SYCP1: variants seen among roughly 807,000 people sequenced by gnomAD.
The protein encoded by SYCP1 is cancer/testis antigen 8.
A neutral mutation model predicts 153.1 loss-of-function variants in SYCP1; 64 were observed. That is an observed-to-expected ratio of 0.42 (90% CI 0.34 to 0.51). The LOEUF (loss-of-function observed/expected upper bound fraction) is 0.51. Among genes scored for constraint, SYCP1 ranks in the 20% least tolerant of loss-of-function variants. The pLI is 0.06. For missense variants in SYCP1, 997 were observed against 1,049.0 expected (o/e 0.95, Z 0.68); for synonymous variants, 384 against 341.8 (o/e 1.12, Z -1.36).
intron 28 of SYCP1, among the ~76,000 whole-genome samples, chr1:114,981,129 C>T (rs1673125940): frequency 6.6e-6 from 1 of 151,908 alleles, no homozygotes; most frequent in Admixed American, 6.6e-5. Flanking sequence ...CAGGCAGGGG[C>T]AGATAACATT....
In SYCP1 at chr1:114,981,464, C is replaced by G. The variant is rs780059716; in HGVS notation, c.2511C>G (p.Asp837Glu). 1.9e-6 allele frequency: 3 copies of G among 1,606,834 alleles called. No individual in the cohort carries two copies. The highest frequency in any genetic ancestry group is 2.5e-6 in the Non-Finnish European group (3 of 1,177,748). ...ATGGCATATCCAAAGATAAAAGAGA[C>G]TATCTGTGGACATCTGCCAAAAATA... ...VDHGISKDKR[D>E]YLWTSAKNTL... Residue 837 changes from aspartate (D) to glutamate (E), a missense_variant, in exon 29 of 32, where the codon GAC becomes GAG. Physicochemically the swap from Asp to Glu is conservative, Grantham distance 45. This residue lies in a region of SYCP1 where 712 missense variants were observed against 682.9 expected (regional missense o/e 1.04). Transcript: ENST00000369522.
chr1:114,854,769 C>T (rs1401524579), upstream of SYCP1: 2 of 152,274 alleles, frequency 1.3e-5, no homozygotes, highest in East Asian at 3.9e-4. Context: ...ACAATTGTTC[C>T]TAGCGATTAG....
intron 27 of SYCP1, among the ~76,000 whole-genome samples, chr1:114,969,850 A>G (rs1276903686): frequency 6.6e-6 from 1 of 152,138 alleles, no homozygotes; most frequent in African/African-American, 2.4e-5. Context: ...GCCAGGTAGC[A>G]CCATCCCTCA....
At chr1:114,912,918 C>T in intron 18 of SYCP1, 115 bp from the exon 19 acceptor site, 1 of 668,998 alleles carries the variant, frequency 1.5e-6, no homozygotes, top group Non-Finnish European at 2.5e-6. Context: ...AATTTTGTTT[C>T]ATGTTTTTCC....
At chr1:114,877,345 T>G (rs1665611248) in intron 11 of SYCP1, among the ~76,000 whole-genome samples, 1 of 152,138 alleles carries the variant, frequency 6.6e-6, no homozygotes, top group Non-Finnish European at 1.5e-5. Flanking sequence ...ATGTTTCAGA[T>G]TATTATTATG....
intron 16 of SYCP1, among the ~76,000 whole-genome samples, chr1:114,905,461 C>A (rs1189829411): frequency 6.6e-6 from 1 of 152,074 alleles, no homozygotes; most frequent in Non-Finnish European, 1.5e-5. Flanking sequence ...GAAATATGTC[C>A]TAAGGGCAGG....
intron 26 of SYCP1, 122 bp from the exon 27 acceptor site, chr1:114,947,124 A>G: frequency 1.3e-6 from 1 of 764,320 alleles, no homozygotes; most frequent in East Asian, 2.8e-5. Flanking sequence ...AAAAGTATCT[A>G]CATTTTATGA....
At chr1:114,970,156 C>T (rs1672388381) in intron 27 of SYCP1, among the ~76,000 whole-genome samples, 1 of 152,154 alleles carries the variant, frequency 6.6e-6, no homozygotes, top group African/African-American at 2.4e-5. Context: ...ATTTGAAAGC[C>T]TTGTCTTTGA....
intron 23 of SYCP1, among the ~76,000 whole-genome samples, chr1:114,939,964 C>T (rs1231642248): frequency 6.6e-6 from 1 of 152,134 alleles, no homozygotes; most frequent in African/African-American, 2.4e-5. Context: ...ACATTTTCTA[C>T]AGTTTCAGAA....
chr1:114,900,731 G>C (rs1369042649), intron 16 of SYCP1, among the ~76,000 whole-genome samples: 1 of 152,152 alleles, frequency 6.6e-6, no homozygotes, highest in Non-Finnish European at 1.5e-5. Context: ...TTGAGTATGT[G>C]CTAGGAGCAG....
chr1:114,879,326 G>A (rs962689722), intron 12 of SYCP1, among the ~76,000 whole-genome samples: 5 of 151,962 alleles, frequency 3.3e-5, no homozygotes, highest in African/African-American at 9.7e-5. Flanking sequence ...TAATTATCTG[G>A]TTTCTGCCAA....
Position 114,923,453 on chromosome 1 carries a change from G to C in SYCP1, c.1723G>C (p.Glu575Gln), listed in dbSNP as rs148443811. ...CACTCTTCCATTTTCTTTTAGAAATGAACTAGAATATGTGAGAGAAGAGCT... is the reference window on the plus strand; with the variant it reads ...CACTCTTCCATTTTCTTTTAGAAATCAACTAGAATATGTGAGAGAAGAGCT... Reference protein sequence around the residue: ...LQETETQLRNELEYVREELKQ... With the variant: ...LQETETQLRNQLEYVREELKQ... Residue 575 changes from glutamate (E) to glutamine (Q), a missense_variant, in exon 21 of 32, where the codon GAA becomes CAA. Coordinates refer to ENST00000369522, the MANE Select transcript of SYCP1 (RefSeq NM_003176.4). 2.3e-5 allele frequency: 37 copies of C among 1,579,392 alleles called. No individual in the cohort carries two copies. The South Asian group carries it at 2.5e-4, about 11-fold the overall frequency.
intron 27 of SYCP1, among the ~76,000 whole-genome samples, chr1:114,965,253 T>C (rs1019327608): frequency 2.6e-5 from 4 of 152,212 alleles, no homozygotes; most frequent in African/African-American, 9.7e-5. Flanking sequence ...TAAGGAGTTT[T>C]TGGGCTGAGA....
intron 28 of SYCP1, among the ~76,000 whole-genome samples, chr1:114,978,043 C>T (rs1053426349): frequency 3.3e-5 from 5 of 151,358 alleles, no homozygotes; most frequent in Non-Finnish European, 7.4e-5. Flanking sequence ...ATCCTGTTTT[C>T]CTCACTTATA....
At chr1:114,888,294 G>A (rs904960796) in intron 15 of SYCP1, among the ~76,000 whole-genome samples, 1 of 151,936 alleles carries the variant, frequency 6.6e-6, no homozygotes, top group African/African-American at 2.4e-5. Context: ...TCCAATTTTA[G>A]TGAAAAAATA....
intron 30 of SYCP1, among the ~76,000 whole-genome samples, chr1:114,989,542 T>C (rs1673775241): frequency 6.6e-6 from 1 of 152,004 alleles, no homozygotes; most frequent in Non-Finnish European, 1.5e-5. Context: ...AAATAGATTA[T>C]ACTCTCCTAT....
intron 20 of SYCP1, 77 bp from the exon 21 acceptor site, chr1:114,923,371 TC>T (rs1418999093): frequency 7.1e-7 from 1 of 1,410,298 alleles, no homozygotes; most frequent in East Asian, 2.7e-5. Flanking sequence ...CTTTAAGACT[TC>T]CTTATTTTGA....
chr1:114,887,045 C>T (rs964291471), intron 14 of SYCP1, among the ~76,000 whole-genome samples: 12 of 152,080 alleles, frequency 7.9e-5, no homozygotes, highest in Admixed American at 1.3e-4. Flanking sequence ...AAGCCATAGC[C>T]GGGGCCTAGC....
At chr1:114,968,253 G>T (rs1203261503) in intron 27 of SYCP1, among the ~76,000 whole-genome samples, 4 of 152,156 alleles carry the variant, frequency 2.6e-5, no homozygotes, top group African/African-American at 9.7e-5. Flanking sequence ...ATTTCTCCTG[G>T]ATAATATCCT....
Sources: allele counts gnomAD v4.1 joint callset (sites outside exome capture counted in the v4.1 genomes callset), GRCh38; gene constraint gnomAD v4.1.1; regional missense constraint gnomAD v4.1.1; transcripts MANE v1.5; gene names NCBI Gene and HGNC (gene_info 2026-07-23, HGNC 2026-07-21).